TEF: variants seen among roughly 807,000 people sequenced by gnomAD.
TEF encodes TEF transcription factor, PAR bZIP family member.
Under a neutral mutation model 20.8 loss-of-function variants are expected in TEF, and 3 were observed. That is an observed-to-expected ratio of 0.14 (90% CI 0.07 to 0.37). The LOEUF is 0.37. Among genes scored for constraint, TEF ranks in the 10% least tolerant of loss-of-function variants. The probability of loss-of-function intolerance (pLI) is 1.00; values close to 1 mark genes in which losing one functional copy is unlikely to be tolerated. For missense variants in TEF, 296 were observed against 397.9 expected (o/e 0.74, Z 2.18); for synonymous variants, 180 against 171.1 (o/e 1.05, Z -0.41).
upstream of TEF, among the ~76,000 whole-genome samples, chr22:41,379,882 A>C (rs1484462335): frequency 6.6e-6 from 1 of 150,396 alleles, no homozygotes; most frequent in Non-Finnish European, 1.5e-5. Flanking sequence ...AACAACAGCA[A>C]AACTCCGTCT....
chr22:41,378,158 TAGCTTCC>T (rs143596093), upstream of TEF, among the ~76,000 whole-genome samples: 4,105 of 111,312 alleles, frequency 0.037, 110 homozygotes, highest in African/African-American at 0.082. Context: ...AAAGCTTCCT[TAGCTTCC>T]TTTTTTTTTT....
intron 2 of TEF, 149 bp downstream of exon 2, chr22:41,387,817 C>T (rs2037116262): frequency 5.2e-6 from 4 of 775,832 alleles, no homozygotes; most frequent in Non-Finnish European, 8.1e-6. Context: ...TCTTCACTCC[C>T]CACCCTTCCA....
Position 41,382,116 on chromosome 22 carries a change from C to T in TEF, c.72C>T (p.Arg24=). The change falls in exon 1 of 4, where the codon CGC becomes CGT. Residue 24 remains arginine, a synonymous_variant. Coordinates refer to ENST00000266304, the MANE Select transcript of TEF (RefSeq NM_003216.4). ...PQAGPGPGPG[R]AAGERGLSGS... is the part of the protein sequence containing the mutation. ...CAGGACCCGGTCCGGGGCCGGGGCGCGCAGCTGGGGAAAGGGGCCTGTCGG... is the reference window on the plus strand; with the variant it reads ...CAGGACCCGGTCCGGGGCCGGGGCGTGCAGCTGGGGAAAGGGGCCTGTCGG... 2 of 1,233,396 alleles carry T rather than the reference C, an allele frequency of 1.6e-6. No individual in the cohort carries two copies. The allele number at this position is 1,233,396 out of a possible 1,614,324, so 76.4% of individuals were successfully genotyped here.
At chr22:41,379,527 C>T (rs9306353), upstream of TEF, among the ~76,000 whole-genome samples, 5,078 of 146,688 alleles carry the variant, frequency 0.035, 275 homozygotes, top group African/African-American at 0.12. Flanking sequence ...AAACAAAAAA[C>T]AAAAACACCA....
chr22:41,393,773 CAA>C (rs879096914), intron 2 of TEF, among the ~76,000 whole-genome samples: 31 of 60,264 alleles, frequency 5.1e-4, no homozygotes, highest in Admixed American at 9.7e-4. Flanking sequence ...ACTCCCATCT[CAA>C]AAAAAAAAAA....
In TEF at chr22:41,382,171, A is replaced by T; in HGVS notation, c.127A>T (p.Met43Leu). The T allele has an allele frequency of 1.8e-6, 2 of 1,118,164 alleles. No homozygotes were observed. Among genetic ancestry groups the T allele is most frequent in the Non-Finnish European group, 2.2e-6 (2 of 916,942 alleles). 69.3% of individuals were successfully genotyped at this position (1,118,164 alleles called of 1,614,324 possible). The change falls in exon 1 of 4, where the codon ATG becomes TTG. Residue 43 changes from methionine to leucine, a missense_variant. Physicochemically the swap from Met to Leu is conservative, Grantham distance 15. Around this residue, in one of 2 missense-constraint regions of TEF, gnomAD observed 102 missense variants for 80.1 expected, o/e 1.27. Coordinates refer to ENST00000266304, the MANE Select transcript of TEF (RefSeq NM_003216.4). ...CTTCCCCCTGGTCCTGAAGAAGCTG[A>T]TGGAGAACCCCCCGCGCGAGGCGCG... ...GSFPLVLKKLMENPPREARLD... is the reference protein window; with the variant it reads ...GSFPLVLKKLLENPPREARLD...
upstream of TEF, among the ~76,000 whole-genome samples, chr22:41,379,633 G>A (rs1366574008): frequency 1.3e-5 from 2 of 152,120 alleles, no homozygotes; most frequent in African/African-American, 2.4e-5. Context: ...GGGATGCCGA[G>A]GCGGGTGGAT....
At chr22:41,382,769 T>G (rs2037050872) in intron 1 of TEF, among the ~76,000 whole-genome samples, 5 of 151,476 alleles carry the variant, frequency 3.3e-5, no homozygotes, top group Admixed American at 2.0e-4. Context: ...TTGCGGGGCT[T>G]CTGCTGAGCG....
intron 1 of TEF, among the ~76,000 whole-genome samples, chr22:41,383,612 C>A (rs930169651): frequency 4.6e-5 from 7 of 152,116 alleles, no homozygotes; most frequent in Admixed American, 4.6e-4. Context: ...AACTTTTGAC[C>A]CTCAGTTTGG....
intron 2 of TEF, among the ~76,000 whole-genome samples, chr22:41,388,246 C>T (rs756382186): frequency 5.9e-5 from 9 of 152,146 alleles, no homozygotes; most frequent in South Asian, 2.1e-4. Context: ...GATCTGCCCG[C>T]CTCAGCCTCC....
upstream of TEF, among the ~76,000 whole-genome samples, chr22:41,379,536 C>G (rs1272221569): frequency 2.0e-5 from 3 of 149,148 alleles, no homozygotes; most frequent in Non-Finnish European, 4.5e-5. Context: ...ACAAAAACAC[C>G]ATAAGGTAGA....
intron 1 of TEF, among the ~76,000 whole-genome samples, chr22:41,370,719 GT>G (rs1569250263): frequency 6.6e-6 from 1 of 152,128 alleles, no homozygotes; most frequent in Non-Finnish European, 1.5e-5. Flanking sequence ...GCCTCATTCC[GT>G]TTTCTAGTTC....
Position 41,382,131 on chromosome 22 carries a change from G to T in TEF, c.87G>T (p.Arg29Ser). 8.1e-7 allele frequency: 1 copy of T among 1,236,974 alleles called. No individual in the cohort carries two copies. The highest frequency in any genetic ancestry group is 1.0e-6 in the Non-Finnish European group (1 of 990,672). The allele number at this position is 1,236,974 out of a possible 1,614,324, so 76.6% of individuals were successfully genotyped here. A position where few individuals can be genotyped will look rare whatever the true frequency, so the allele number is the denominator to read the frequency against. The change falls in exon 1 of 4, where the codon AGG becomes AGT. Residue 29 changes from arginine to serine, a missense_variant. Transcript: ENST00000266304. ...GGCCGGGGCGCGCAGCTGGGGAAAGGGGCCTGTCGGGGTCCTTCCCCCTGG... is the reference window on the plus strand; with the variant it reads ...GGCCGGGGCGCGCAGCTGGGGAAAGTGGCCTGTCGGGGTCCTTCCCCCTGG... Reference protein sequence around the residue: ...GPGPGRAAGERGLSGSFPLVL... With the variant: ...GPGPGRAAGESGLSGSFPLVL...
intron 1 of TEF, among the ~76,000 whole-genome samples, chr22:41,371,400 G>A (rs982015895): frequency 2.0e-5 from 3 of 152,202 alleles, no homozygotes; most frequent in African/African-American, 7.2e-5. Flanking sequence ...TCCTTTCTAG[G>A]CAAGGCAGTG....
chr22:41,396,455 T>C lies in TEF; in HGVS notation c.*495T>C, dbSNP rs1427390700. The C allele has an allele frequency of 6.1e-6, 1 of 164,712 alleles. No homozygotes were observed. Among genetic ancestry groups the C allele is most frequent in the Non-Finnish European group, 1.3e-5 (1 of 76,332 alleles). The allele number at this position is 164,712 out of a possible 1,614,324, so 10.2% of individuals were successfully genotyped here. A position where few individuals can be genotyped will look rare whatever the true frequency, so the allele number is the denominator to read the frequency against. On this transcript the variant is annotated 3_prime_UTR_variant, in exon 4 of 4. Coordinates refer to ENST00000266304, the MANE Select transcript of TEF (RefSeq NM_003216.4). ...CAGACAGTCTTTGAGTAACATCTGT[T>C]CCCATCTTCCTTGGAAGCAGGACAC...
upstream of TEF, chr22:41,381,888 G>C (rs1601817794): frequency 9.8e-6 from 12 of 1,225,752 alleles, no homozygotes; most frequent in South Asian, 2.1e-4. Flanking sequence ...TGCCAGAGCC[G>C]GTCCGCAGGC....
chr22:41,390,699 G>A (rs550960997), intron 2 of TEF, among the ~76,000 whole-genome samples: 5 of 151,588 alleles, frequency 3.3e-5, no homozygotes, highest in East Asian at 1.9e-4. Flanking sequence ...GGGTTTCACC[G>A]TGTTGGCCAG....
chr22:41,381,899 G>C (rs901135378), upstream of TEF: 6 of 1,226,016 alleles, frequency 4.9e-6, no homozygotes, highest in Middle Eastern at 3.1e-4. Flanking sequence ...GTCCGCAGGC[G>C]GGGTAGCGAT....
chr22:41,379,281 T>C (rs2036984369), upstream of TEF, among the ~76,000 whole-genome samples: 1 of 151,710 alleles, frequency 6.6e-6, no homozygotes, highest in African/African-American at 2.4e-5. Flanking sequence ...GCGCTTGCAG[T>C]GAACCGAGAT....
Sources: allele counts gnomAD v4.1 joint callset (sites outside exome capture counted in the v4.1 genomes callset), GRCh38; gene constraint gnomAD v4.1.1; regional missense constraint gnomAD v4.1.1; transcripts MANE v1.5; gene names NCBI Gene and HGNC (gene_info 2026-07-23, HGNC 2026-07-21).